Variants in CDC14A observed in about 807,000 individuals in gnomAD.
CDC14A encodes the protein cell division cycle 14A, also known as dual specificity protein phosphatase CDC14A.
In CDC14A, 53 loss-of-function variants were observed where a neutral mutation model predicts 74.4. That is an observed-to-expected ratio of 0.71 (90% CI 0.57 to 0.89). The LOEUF (loss-of-function observed/expected upper bound fraction) is 0.89, where lower values mean the gene tolerates loss of function less well. Among genes scored for constraint, CDC14A ranks in the 40% least tolerant of loss-of-function variants. The pLI is 0.00. For synonymous variants in CDC14A, 247 were observed against 258.4 expected (o/e 0.96, Z 0.43); for missense variants, 646 against 713.7 (o/e 0.91, Z 1.08).
chr1:100,346,594 T>C (rs1337891254), intron 1 of CDC14A, among the ~76,000 whole-genome samples: 1 of 141,662 alleles, frequency 7.1e-6, no homozygotes, highest in Non-Finnish European at 1.5e-5. Flanking sequence ...ATAGTGTCAC[T>C]ACACTCCAGC....
intron 6 of CDC14A, among the ~76,000 whole-genome samples, chr1:100,440,633 A>G (rs1664819022): frequency 6.6e-6 from 1 of 152,210 alleles, no homozygotes; most frequent in African/African-American, 2.4e-5. Context: ...TCTCGAACAT[A>G]TAACTATGGT....
chr1:100,392,238 T>A (rs1657813623), intron 4 of CDC14A, among the ~76,000 whole-genome samples: 1 of 152,224 alleles, frequency 6.6e-6, no homozygotes, highest in South Asian at 2.1e-4. Context: ...TGAATATTTT[T>A]TACCTTACAT....
chr1:100,487,256 G>T (rs1040260055), intron 11 of CDC14A, among the ~76,000 whole-genome samples: 8 of 152,288 alleles, frequency 5.3e-5, no homozygotes, highest in Admixed American at 5.2e-4. Context: ...CAGATTTGGA[G>T]AATTCGAATA....
chr1:100,351,030 C>G (rs1054123969), upstream of CDC14A, among the ~76,000 whole-genome samples: 4 of 152,144 alleles, frequency 2.6e-5, no homozygotes, highest in Non-Finnish European at 4.4e-5. Context: ...CCGGTCTCTA[C>G]AAAAAATACA....
intron 3 of CDC14A, among the ~76,000 whole-genome samples, chr1:100,389,123 C>CA (rs148509030): frequency 0.29 from 42,590 of 144,730 alleles, 8,822 homozygotes; most frequent in African/African-American, 0.6. Context: ...TGCAGTGAGC[C>CA]AGATCATGCC....
intron 7 of CDC14A, among the ~76,000 whole-genome samples, chr1:100,454,125 G>A (rs1005383346): frequency 1.3e-5 from 2 of 152,116 alleles, no homozygotes; most frequent in Non-Finnish European, 2.9e-5. Context: ...AGTAATTAAA[G>A]TAATGGCTCC....
intron 11 of CDC14A, chr1:100,484,991 G>A (rs2101363614): frequency 1.0e-6 from 1 of 981,716 alleles, no homozygotes; most frequent in East Asian, 1.1e-4. Flanking sequence ...TATTTTATAG[G>A]AAGGAAATTG....
chr1:100,375,094 G>C (rs1655055797), intron 2 of CDC14A, among the ~76,000 whole-genome samples: 1 of 152,122 alleles, frequency 6.6e-6, no homozygotes, highest in African/African-American at 2.4e-5. Flanking sequence ...GTGTTCCCTA[G>C]GATGATTGGA....
intron 4 of CDC14A, 122 bp downstream of exon 4, chr1:100,390,946 G>A: frequency 2.7e-6 from 2 of 732,214 alleles, no homozygotes; most frequent in Non-Finnish European, 4.9e-6. Context: ...TAGCAGTTTG[G>A]GAATTGATCT....
At chr1:100,383,635 C>T (rs928420715) in intron 3 of CDC14A, 2 of 152,530 alleles carry the variant, frequency 1.3e-5, no homozygotes, top group African/African-American at 4.8e-5. Flanking sequence ...GCTAGCCTAG[C>T]CACCTGTAAG....
intron 1 of CDC14A, among the ~76,000 whole-genome samples, chr1:100,345,523 T>G (rs1014948541): frequency 2.0e-5 from 3 of 152,172 alleles, no homozygotes; most frequent in Non-Finnish European, 4.4e-5. Flanking sequence ...GGGAGAGAGA[T>G]ACCTGAAAAC....
chr1:100,436,655 A>T lies in CDC14A; in HGVS notation c.390-3277A>T, dbSNP rs185880526. 1.8e-4 allele frequency among the ~76,000 whole-genome samples: 28 copies of T among 152,130 alleles called. No individual in the cohort carries two copies. The East Asian group carries it at 5.2e-3, about 28-fold the overall frequency. Reference sequence around the variant, plus strand: ...GGACCAGGCTGGTCTTGAACTCCTTACCTCAGGTGATCCACCTGCTTCGGC... The same window carrying T: ...GGACCAGGCTGGTCTTGAACTCCTTTCCTCAGGTGATCCACCTGCTTCGGC... On this transcript the variant is annotated intron_variant, in intron 5 of 15. Transcript: ENST00000336454.
Position 100,484,451 on chromosome 1 carries a change from G to A in CDC14A, c.1137G>A (p.Glu379=). The A allele has an allele frequency of 6.3e-7, 1 of 1,593,650 alleles. No individual in the cohort carries two copies. The highest frequency in any genetic ancestry group is 1.4e-5 in the African/African-American group (1 of 73,678). ...CACAAAACATGGAACGATTTGGAGA[G>A]GTAAGTTTTCCCTAGGAGATTCTAT... ...SKTQNMERFG[E]DNLEDDDVEM... Residue 379 remains glutamate, a splice_region_variant and synonymous_variant, in exon 11 of 16, where the codon GAG becomes GAA. Transcript: ENST00000336454.
At chr1:100,463,189 A>G (rs1667481940) in intron 9 of CDC14A, among the ~76,000 whole-genome samples, 1 of 152,066 alleles carries the variant, frequency 6.6e-6, no homozygotes, top group African/African-American at 2.4e-5. Context: ...ACACCTTTAA[A>G]CAGGTAAAAT....
chr1:100,345,417 C>T (rs1395702183), intron 1 of CDC14A, among the ~76,000 whole-genome samples: 3 of 152,148 alleles, frequency 2.0e-5, no homozygotes, highest in African/African-American at 7.2e-5. Flanking sequence ...ATGACACTCT[C>T]ATTTAATTTT....
At chr1:100,383,759 G>A (rs1340299332) in intron 3 of CDC14A, 1 of 152,228 alleles carries the variant, frequency 6.6e-6, no homozygotes, top group East Asian at 1.9e-4. Context: ...TTATTAAAGA[G>A]CATATTATCC....
At chr1:100,389,126 A>G (rs1345306500) in intron 3 of CDC14A, among the ~76,000 whole-genome samples, 1 of 145,152 alleles carries the variant, frequency 6.9e-6, no homozygotes, top group Non-Finnish European at 1.5e-5. Flanking sequence ...AGTGAGCCAG[A>G]TCATGCCACT....
chr1:100,465,351 T>A (rs998533557), intron 9 of CDC14A, among the ~76,000 whole-genome samples: 15 of 152,234 alleles, frequency 9.9e-5, no homozygotes, highest in Non-Finnish European at 2.1e-4. Flanking sequence ...TGTGGTAATA[T>A]CTTTTTGAGA....
In CDC14A at chr1:100,443,000, T is replaced by C. The variant is rs1297168026; in HGVS notation, c.519+4T>C. 1.3e-6 allele frequency: 2 copies of C among 1,567,676 alleles called. No individual in the cohort carries two copies. The highest frequency in any genetic ancestry group is 1.7e-5 in the Admixed American group (1 of 59,242). On this transcript the variant is annotated splice_donor_region_variant and intron_variant, in intron 7 of 15. Coordinates refer to ENST00000336454, the MANE Select transcript of CDC14A (RefSeq NM_003672.4). Reference sequence around the variant, plus strand: ...GGATGAATATGAACATTATGAGGTTTGTACATTTAATTTTTTTTACAAAAC... The same window carrying C: ...GGATGAATATGAACATTATGAGGTTCGTACATTTAATTTTTTTTACAAAAC...
Sources: allele counts gnomAD v4.1 joint callset (sites outside exome capture counted in the v4.1 genomes callset), GRCh38; gene constraint gnomAD v4.1.1; transcripts MANE v1.5; gene names NCBI Gene and HGNC (gene_info 2026-07-23, HGNC 2026-07-21).